Variants in GPR55 observed in about 807,000 individuals in gnomAD.
GPR55 encodes G protein-coupled receptor 55, also known as G-protein coupled receptor 55.
GPR55 carries 6 observed loss-of-function variants against 7.9 expected under a neutral mutation model. The observed-to-expected ratio is 0.76, with a 90% confidence interval of 0.41 to 1.49. The LOEUF (loss-of-function observed/expected upper bound fraction) is 1.49. Ranked by LOEUF, GPR55 falls within the 40% of genes most tolerant of loss-of-function variation. GPR55 has a pLI of 0.01. For missense variants in GPR55, 376 were observed against 406.0 expected (o/e 0.93, Z 0.63); for synonymous variants, 183 against 166.8 (o/e 1.10, Z -0.75).
At chr2:230,937,625 T>C (rs1028581342) in intron 1 of GPR55, among the ~76,000 whole-genome samples, 17 of 151,832 alleles carry the variant, frequency 1.1e-4, no homozygotes, top group Admixed American at 6.6e-5. Flanking sequence ...GGAGCATTTA[T>C]TTCCAACAGT....
rs891866656 is a variant in GPR55 at position 230,909,627 on chromosome 2, T to TTC, written c.*374_*375dup. The TTC allele has an allele frequency of 5.2e-5, 11 of 211,644 alleles. No homozygotes were observed. Among genetic ancestry groups the TTC allele is most frequent in the East Asian group, 1.1e-4 (1 of 9,192 alleles). 13.1% of individuals were successfully genotyped at this position (211,644 alleles called of 1,614,324 possible). ...CTCTTGGCTCCCTCCTTTACCTCTT[T>TTC]TCTCTCTCTCTCTTTCTTTCCAGAA... On this transcript the variant is annotated 3_prime_UTR_variant, in exon 2 of 2. Transcript: ENST00000650999.
intron 1 of GPR55, among the ~76,000 whole-genome samples, chr2:230,918,962 C>T (rs891715687): frequency 1.3e-5 from 2 of 152,062 alleles, no homozygotes; most frequent in South Asian, 4.1e-4. Context: ...ACCCAAAAAT[C>T]TCAGACTATG....
At chr2:230,917,953 A>T (rs1690753116) in intron 1 of GPR55, among the ~76,000 whole-genome samples, 1 of 152,184 alleles carries the variant, frequency 6.6e-6, no homozygotes, top group South Asian at 2.1e-4. Context: ...AATTCACAGG[A>T]TACAGCCAAA....
At chr2:230,919,824 A>T (rs1446128528) in intron 1 of GPR55, among the ~76,000 whole-genome samples, 1 of 152,012 alleles carries the variant, frequency 6.6e-6, no homozygotes, top group Non-Finnish European at 1.5e-5. Context: ...TGCCAACAAG[A>T]GGTTAAGTTC....
At chr2:230,911,978 C>T (rs371604673) in intron 1 of GPR55, among the ~76,000 whole-genome samples, 2 of 152,214 alleles carry the variant, frequency 1.3e-5, no homozygotes, top group East Asian at 3.9e-4. Context: ...GTGTTCAATC[C>T]AGGCATCCAG....
At chr2:230,934,833 G>T (rs539574338) in intron 1 of GPR55, among the ~76,000 whole-genome samples, 25 of 152,218 alleles carry the variant, frequency 1.6e-4, no homozygotes, top group African/African-American at 5.5e-4. Flanking sequence ...GAGCTTTGGG[G>T]ATTAAGCCCT....
chr2:230,934,581 C>T (rs1315371066), intron 1 of GPR55, among the ~76,000 whole-genome samples: 1 of 152,198 alleles, frequency 6.6e-6, no homozygotes, highest in African/African-American at 2.4e-5. Context: ...CGGCCGCCTC[C>T]CTCCCCGGGG....
At chr2:230,959,580 T>G (rs1170171764) in intron 1 of GPR55, among the ~76,000 whole-genome samples, 1 of 152,180 alleles carries the variant, frequency 6.6e-6, no homozygotes, top group Non-Finnish European at 1.5e-5. Flanking sequence ...CCCAAGGACG[T>G]CCAGTGAGTG....
In GPR55 at chr2:230,910,764, C is replaced by G; in HGVS notation, c.199G>C (p.Ala67Pro). 6.2e-7 allele frequency: 1 copy of G among 1,613,934 alleles called. No individual in the cohort carries two copies. Among genetic ancestry groups the G allele is most frequent in the Non-Finnish European group, 8.5e-7 (1 of 1,179,840 alleles). ...AGCACCAGCAGCAGGTCAAAGACTG[C>G]CAGGTTGATCATGTAGATGGAGGTG... ...AATSIYMINL[A>P]VFDLLLVLSL... Residue 67 changes from alanine (A) to proline (P), a missense_variant, in exon 2 of 2, where the codon GCA becomes CCA. Ala to Pro is a conservative substitution (Grantham distance 27). Coordinates refer to ENST00000650999, the MANE Select transcript of GPR55 (RefSeq NM_005683.4). This position sits in a 1 kb window ranked among gnomAD's most constrained non-coding sequence, Gnocchi z 5.4.
chr2:230,953,066 G>T (rs116553099), intron 1 of GPR55, among the ~76,000 whole-genome samples: 1 of 152,154 alleles, frequency 6.6e-6, no homozygotes, highest in African/African-American at 2.4e-5. Flanking sequence ...GGAAGCATGC[G>T]CACCCCAGAA....
intron 1 of GPR55, among the ~76,000 whole-genome samples, chr2:230,934,974 C>T (rs558973247): frequency 6.6e-6 from 1 of 152,222 alleles, no homozygotes; most frequent in South Asian, 2.1e-4. Flanking sequence ...CCCAGAGCCT[C>T]TCTGGCTGCC....
intron 1 of GPR55, among the ~76,000 whole-genome samples, chr2:230,919,758 C>A (rs2969127): frequency 0.5 from 75,286 of 151,982 alleles, 20,884 homozygotes; most frequent in African/African-American, 0.77. Context: ...CTTTGCCTCA[C>A]TGTATTACCA....
chr2:230,915,062 G>T (rs536605902), intron 1 of GPR55, among the ~76,000 whole-genome samples: 47 of 152,354 alleles, frequency 3.1e-4, no homozygotes, highest in Non-Finnish European at 6.3e-4. Context: ...CCTGTTGGAG[G>T]AGCCCCACAT....
chr2:230,942,853 G>A (rs1249561191), intron 1 of GPR55, among the ~76,000 whole-genome samples: 2 of 152,046 alleles, frequency 1.3e-5, no homozygotes, highest in Non-Finnish European at 2.9e-5. Context: ...GGAAGGGGCA[G>A]GAGAAGGGGC....
upstream of GPR55, among the ~76,000 whole-genome samples, chr2:230,926,432 C>T (rs1690942934): frequency 2.0e-5 from 3 of 152,228 alleles, no homozygotes. Context: ...CCAGCCCAAT[C>T]TAAGCCAAAG....
In GPR55 at chr2:230,913,781, C is replaced by A. The variant is rs908907388; in HGVS notation, c.-134-2685G>T. On this transcript the variant is annotated intron_variant, in intron 1 of 1. Transcript: ENST00000650999. Reference sequence around the variant, plus strand: ...TTCAAAAATGATGAGAAAAGCAGGTCAAAGCCCAGTTCAAGTCTAAATGTA... The same window carrying A: ...TTCAAAAATGATGAGAAAAGCAGGTAAAAGCCCAGTTCAAGTCTAAATGTA... 5.9e-5 allele frequency among the ~76,000 whole-genome samples: 9 copies of A among 152,152 alleles called. 1 individual carries two copies. Among genetic ancestry groups the A allele is most frequent in the Admixed American group, 2.6e-4 (4 of 15,274 alleles).
At chr2:230,926,682 CTTTTTTTTTTTTT>C (rs56318183), upstream of GPR55, among the ~76,000 whole-genome samples, 6,995 of 101,138 alleles carry the variant, frequency 0.069, 286 homozygotes, top group African/African-American at 0.15. Flanking sequence ...TGGCTACCTT[CTTTTTTTTTTTTT>C]TTTTTTTTTT....
At chr2:230,938,113 C>A (rs1255291981) in intron 1 of GPR55, among the ~76,000 whole-genome samples, 1 of 136,964 alleles carries the variant, frequency 7.3e-6, no homozygotes, top group African/African-American at 2.9e-5. Context: ...CACCACTGTA[C>A]TCCAGCCTGG....
chr2:230,945,215 C>A (rs966745384), intron 1 of GPR55, among the ~76,000 whole-genome samples: 1 of 151,964 alleles, frequency 6.6e-6, no homozygotes, highest in Non-Finnish European at 1.5e-5. Flanking sequence ...CAGAATGAAG[C>A]GGGGACGTGG....
Sources: allele counts gnomAD v4.1 joint callset (sites outside exome capture counted in the v4.1 genomes callset), GRCh38; gene constraint gnomAD v4.1.1; non-coding constraint Gnocchi (gnomAD v3.1); transcripts MANE v1.5; gene names NCBI Gene and HGNC (gene_info 2026-07-23, HGNC 2026-07-21).